CNTNAP2: variants seen among roughly 807,000 people sequenced by gnomAD.
The protein encoded by CNTNAP2 is contactin associated protein 2.
A neutral mutation model predicts 155.2 loss-of-function variants in CNTNAP2; 98 were observed. The ratio of observed to expected loss-of-function variants is 0.63; its 90% CI spans 0.54 to 0.75. CNTNAP2 has a LOEUF of 0.75. CNTNAP2 is among the 30% of genes least tolerant of loss of function. The probability of loss-of-function intolerance (pLI) is 0.00; values close to 1 mark genes in which losing one functional copy is unlikely to be tolerated. For missense variants in CNTNAP2, 1,727 were observed against 1,688.1 expected, an observed-to-expected ratio of 1.02 and a Z score of -0.40; for synonymous variants, 651 against 631.2, an observed-to-expected ratio of 1.03 and a Z score of -0.47.
At chr7:147,220,225 T>C (rs1803364559) in intron 8 of CNTNAP2, among the ~76,000 whole-genome samples, 1 of 152,138 alleles carries the variant, frequency 6.6e-6, no homozygotes, top group Non-Finnish European at 1.5e-5. Context: ...CAATATGAGA[T>C]TTTCCTCTTT....
chr7:148,293,891 C>T (rs754559652), intron 21 of CNTNAP2, among the ~76,000 whole-genome samples: 31 of 151,864 alleles, frequency 2.0e-4, no homozygotes, highest in Non-Finnish European at 3.8e-4. Context: ...GGAAATTAGC[C>T]AGTCATGGTG....
At chr7:146,813,366 T>G (rs906119759) in intron 2 of CNTNAP2, among the ~76,000 whole-genome samples, 1 of 152,164 alleles carries the variant, frequency 6.6e-6, no homozygotes, top group East Asian at 1.9e-4. Context: ...AACTCTTGCA[T>G]CAATGTGACC....
At chr7:146,501,362 T>A (rs1797297841) in intron 1 of CNTNAP2, among the ~76,000 whole-genome samples, 1 of 150,118 alleles carries the variant, frequency 6.7e-6, no homozygotes, top group African/African-American at 2.4e-5. Flanking sequence ...GTTGTGGAAA[T>A]TTTTTTTTTA....
At chr7:147,033,190 A>G (rs1048380903) in intron 3 of CNTNAP2, among the ~76,000 whole-genome samples, 45 of 92,464 alleles carry the variant, frequency 4.9e-4, no homozygotes, top group Non-Finnish European at 7.0e-4. Context: ...ATATATATAT[A>G]TATATATATA....
intron 11 of CNTNAP2, among the ~76,000 whole-genome samples, chr7:147,488,078 G>A (rs1390222054): frequency 6.6e-6 from 1 of 152,122 alleles, no homozygotes. Flanking sequence ...AATATACATT[G>A]TAGCTTATTG....
At chr7:146,801,030 C>A (rs545885196) in intron 2 of CNTNAP2, among the ~76,000 whole-genome samples, 1 of 152,142 alleles carries the variant, frequency 6.6e-6, no homozygotes, top group African/African-American at 2.4e-5. Context: ...TAAAGAAATA[C>A]CTGAGGCTGG....
intron 1 of CNTNAP2, among the ~76,000 whole-genome samples, chr7:146,497,092 C>G (rs1379289289): frequency 3.3e-5 from 5 of 152,250 alleles, no homozygotes; most frequent in Non-Finnish European, 2.9e-5. Context: ...AACTGAGGCT[C>G]AGAGTGAACA....
chr7:146,433,779 C>T (rs2129117557), intron 1 of CNTNAP2, among the ~76,000 whole-genome samples: 1 of 152,182 alleles, frequency 6.6e-6, no homozygotes, highest in South Asian at 2.1e-4. Flanking sequence ...CCATGCATTG[C>T]CTGGTGCAAA....
intron 22 of CNTNAP2, among the ~76,000 whole-genome samples, chr7:148,406,198 C>T (rs1799701255): frequency 6.6e-6 from 1 of 151,496 alleles, no homozygotes. Flanking sequence ...CGCCACTGCA[C>T]TCCAACCTGG....
chr7:147,153,067 G>T (rs1801857357), intron 8 of CNTNAP2, among the ~76,000 whole-genome samples: 1 of 151,960 alleles, frequency 6.6e-6, no homozygotes, highest in Non-Finnish European at 1.5e-5. Context: ...AAATCATAAA[G>T]ATAGGTATGC....
At chr7:146,857,735 T>C (rs1795019254) in intron 3 of CNTNAP2, among the ~76,000 whole-genome samples, 1 of 152,150 alleles carries the variant, frequency 6.6e-6, no homozygotes, top group East Asian at 1.9e-4. Context: ...GACACACCAA[T>C]CTATCAATAG....
chr7:148,311,919 G>T (rs1170942189), intron 21 of CNTNAP2, among the ~76,000 whole-genome samples: 1 of 152,188 alleles, frequency 6.6e-6, no homozygotes, highest in Non-Finnish European at 1.5e-5. Context: ...GGAATACTGT[G>T]TGAGGCCGGA....
At chr7:148,304,199 G>A (rs1110144) in intron 21 of CNTNAP2, among the ~76,000 whole-genome samples, 55,910 of 152,076 alleles carry the variant, frequency 0.37, 11,245 homozygotes, top group African/African-American at 0.54. Flanking sequence ...TGTAAGCAAA[G>A]AAATTGTCCA....
At chr7:146,668,444 GTGTGTGTGTGT>G (rs1800238503) in intron 1 of CNTNAP2, among the ~76,000 whole-genome samples, 2 of 149,750 alleles carry the variant, frequency 1.3e-5, no homozygotes, top group Non-Finnish European at 3.0e-5. Flanking sequence ...GTGTGTGTGT[GTGTGTGTGTGT>G]GTGTGTGTGT....
At chr7:148,311,593 C>G (rs979033691) in intron 21 of CNTNAP2, among the ~76,000 whole-genome samples, 3 of 151,978 alleles carry the variant, frequency 2.0e-5, no homozygotes, top group African/African-American at 7.3e-5. Context: ...GGCAAATCCT[C>G]GAGCTTGATG....
intron 13 of CNTNAP2, among the ~76,000 whole-genome samples, chr7:147,688,915 A>G (rs1402641827): frequency 6.6e-6 from 1 of 152,126 alleles, no homozygotes; most frequent in Non-Finnish European, 1.5e-5. Context: ...TTTCTTAAAC[A>G]CCAGAATACT....
At chr7:146,962,101 A>G (rs1018267209) in intron 3 of CNTNAP2, among the ~76,000 whole-genome samples, 1 of 151,492 alleles carries the variant, frequency 6.6e-6, no homozygotes, top group Non-Finnish European at 1.5e-5. Context: ...TTGTTCATTC[A>G]GTATAATTTG....
At chr7:146,141,270 A>G (rs115503946) in intron 1 of CNTNAP2, among the ~76,000 whole-genome samples, 2,122 of 152,308 alleles carry the variant, frequency 0.014, 44 homozygotes, top group African/African-American at 0.047. Context: ...ACATCTGACT[A>G]CTTGATTATG....
At chr7:146,975,309 A>G (rs549759903) in intron 3 of CNTNAP2, among the ~76,000 whole-genome samples, 110 of 152,236 alleles carry the variant, frequency 7.2e-4, no homozygotes, top group African/African-American at 2.6e-3. Flanking sequence ...TACTAAAAAT[A>G]CAAAAATAAG....
Sources: gnomAD v4.1 joint callset for allele counts (sites outside exome capture counted in the v4.1 genomes callset) on GRCh38, gnomAD v4.1.1 for gene constraint, MANE v1.5 for transcripts, NCBI Gene and HGNC (gene_info 2026-07-23, HGNC 2026-07-21) for gene names.